Variants in PSD3 observed in about 807,000 individuals in gnomAD.
PSD3 encodes PH and SEC7 domain-containing protein 3.
A neutral mutation model predicts 105.5 loss-of-function variants in PSD3; 49 were observed. The ratio of observed to expected loss-of-function variants is 0.46; its 90% CI spans 0.37 to 0.59. PSD3 has a LOEUF of 0.59. Among genes scored for constraint, PSD3 ranks in the 20% least tolerant of loss-of-function variants. The pLI is 0.00. For missense variants in PSD3, 1,561 were observed against 1,263.8 expected (o/e 1.24, Z -3.57); for synonymous variants, 557 against 457.8 (o/e 1.22, Z -2.77).
At chr8:18,894,998 C>T (rs1377099284) in intron 2 of PSD3, among the ~76,000 whole-genome samples, 1 of 152,218 alleles carries the variant, frequency 6.6e-6, no homozygotes, top group Non-Finnish European at 1.5e-5. Flanking sequence ...TTGCCAGTGA[C>T]AGGCCATGCT....
At chr8:18,802,301 T>A (rs541132312) in intron 6 of PSD3, 90 of 420,662 alleles carry the variant, frequency 2.1e-4, no homozygotes, top group Admixed American at 2.7e-4. Context: ...AGAGCACTGT[T>A]TATTTGAGAT....
At chr8:18,911,110 A>T (rs1207210258) in intron 2 of PSD3, among the ~76,000 whole-genome samples, 1 of 152,104 alleles carries the variant, frequency 6.6e-6, no homozygotes, top group Non-Finnish European at 1.5e-5. Flanking sequence ...CATGTCAATC[A>T]ATCAGTCAAC....
chr8:18,713,828 T>A (rs945753333), intron 9 of PSD3, among the ~76,000 whole-genome samples: 1 of 152,030 alleles, frequency 6.6e-6, no homozygotes, highest in Admixed American at 6.6e-5. Context: ...GCCAAGACAA[T>A]CCTAAGCAAA....
At chr8:19,076,938 C>G (rs1358155598) in intron 1 of PSD3, among the ~76,000 whole-genome samples, 1 of 152,150 alleles carries the variant, frequency 6.6e-6, no homozygotes, top group Non-Finnish European at 1.5e-5. Flanking sequence ...TTTTGGGTTG[C>G]TTTTCTAATC....
At chr8:18,752,637 T>C (rs1805692149) in intron 9 of PSD3, among the ~76,000 whole-genome samples, 6 of 89,226 alleles carry the variant, frequency 6.7e-5, no homozygotes, top group South Asian at 2.6e-4. Flanking sequence ...ATATATAATA[T>C]ATATAATATA....
chr8:18,873,478 A>G (rs1293914937), intron 2 of PSD3, among the ~76,000 whole-genome samples: 7 of 151,240 alleles, frequency 4.6e-5, no homozygotes, highest in Admixed American at 4.6e-4. Flanking sequence ...TATATATAGT[A>G]TACAACATAA....
intron 1 of PSD3, among the ~76,000 whole-genome samples, chr8:18,990,404 A>T (rs1307634064): frequency 6.6e-6 from 1 of 152,104 alleles, no homozygotes; most frequent in Non-Finnish European, 1.5e-5. Flanking sequence ...AGTTCTTCAT[A>T]TGCGACGCTC....
rs1800084698 is a variant in PSD3, at chr8:18,676,724, T to C, written c.2173-21039A>G. Among the ~76,000 whole-genome samples, 3 of 152,196 alleles carry C rather than the reference T, an allele frequency of 2.0e-5. No individual in the cohort carries two copies. The South Asian group carries it at 6.2e-4, about 31-fold the overall frequency. ...CTTTTGTGCTTTGCCCAGCCAAGCC[T>C]GTATACTTTAGCCTTGATAACAATA... is the stretch of plus-strand genomic sequence containing the variant. On this transcript the variant is annotated intron_variant, in intron 9 of 15. Coordinates refer to ENST00000327040, the MANE Select transcript of PSD3 (RefSeq NM_015310.4).
chr8:18,839,927 TCA>T (rs886387612), intron 4 of PSD3, among the ~76,000 whole-genome samples: 12 of 152,272 alleles, frequency 7.9e-5, no homozygotes, highest in Non-Finnish European at 1.0e-4. Context: ...CCCACATCAT[TCA>T]CAGAGACAGA....
At chr8:19,023,452 A>G (rs889941062) in intron 1 of PSD3, among the ~76,000 whole-genome samples, 1 of 151,354 alleles carries the variant, frequency 6.6e-6, no homozygotes, top group African/African-American at 2.4e-5. Flanking sequence ...CTTTAGAGAC[A>G]GGGTCTTGCT....
At chr8:19,070,233 G>T (rs545978477) in intron 1 of PSD3, among the ~76,000 whole-genome samples, 1 of 152,092 alleles carries the variant, frequency 6.6e-6, no homozygotes, top group African/African-American at 2.4e-5. Flanking sequence ...CGTTTTTAAT[G>T]TGATACGCCT....
At chr8:19,072,906 C>G (rs1049859279) in intron 1 of PSD3, among the ~76,000 whole-genome samples, 2 of 152,190 alleles carry the variant, frequency 1.3e-5, no homozygotes, top group African/African-American at 2.4e-5. Flanking sequence ...TGCATGAATA[C>G]TTTTGTACCG....
intron 10 of PSD3, among the ~76,000 whole-genome samples, chr8:18,651,961 T>C (rs1470134195): frequency 2.0e-5 from 3 of 152,066 alleles, no homozygotes; most frequent in Non-Finnish European, 4.4e-5. Context: ...GAAGGCCTTG[T>C]TGAGGAGGCA....
rs1452545966 is a variant in PSD3, at chr8:18,812,484, C to A, written c.1635-7586G>T. Among the ~76,000 whole-genome samples, 2 of 152,056 alleles carry A rather than the reference C, an allele frequency of 1.3e-5. 1 individual carries two copies. Among genetic ancestry groups the A allele is most frequent in the South Asian group, 4.2e-4 (2 of 4,818 alleles). On this transcript the variant is annotated intron_variant, in intron 4 of 15. Coordinates refer to ENST00000327040, the MANE Select transcript of PSD3 (RefSeq NM_015310.4). ...AAAATAGACTGGAGAAGCAGGGTGACCAGTCAGGGGGTAATGCATGTGCCA... is the reference window on the plus strand; with the variant it reads ...AAAATAGACTGGAGAAGCAGGGTGAACAGTCAGGGGGTAATGCATGTGCCA...
intron 1 of PSD3, among the ~76,000 whole-genome samples, chr8:18,984,556 A>G (rs1326305704): frequency 1.3e-5 from 2 of 152,232 alleles, no homozygotes; most frequent in Non-Finnish European, 1.5e-5. Flanking sequence ...GTTATCAAAG[A>G]AACTATTTGA....
intron 1 of PSD3, among the ~76,000 whole-genome samples, chr8:19,070,289 A>C (rs1829209337): frequency 6.6e-6 from 1 of 151,986 alleles, no homozygotes; most frequent in Non-Finnish European, 1.5e-5. Context: ...TCAGCAAAAA[A>C]ATTTGGAGCA....
At chr8:18,542,688 A>T (rs1055403458) in intron 15 of PSD3, among the ~76,000 whole-genome samples, 2 of 152,228 alleles carry the variant, frequency 1.3e-5, no homozygotes, top group African/African-American at 4.8e-5. Context: ...AGAGTCTTGC[A>T]GTCAAGTAGC....
chr8:18,743,847 G>C (rs1053094093), intron 9 of PSD3, among the ~76,000 whole-genome samples: 1 of 151,754 alleles, frequency 6.6e-6, no homozygotes, highest in Non-Finnish European at 1.5e-5. Context: ...TACTTTGAGG[G>C]GGGAGGTTAA....
chr8:18,907,413 G>A (rs992113812), intron 2 of PSD3, among the ~76,000 whole-genome samples: 1 of 152,140 alleles, frequency 6.6e-6, no homozygotes, highest in Non-Finnish European at 1.5e-5. Context: ...GGCCTCCAGT[G>A]ATCCTCCCAC....
Sources: allele counts gnomAD v4.1 joint callset (sites outside exome capture counted in the v4.1 genomes callset), GRCh38; gene constraint gnomAD v4.1.1; transcripts MANE v1.5; gene names NCBI Gene and HGNC (gene_info 2026-07-23, HGNC 2026-07-21).